TAF3: variants seen among roughly 807,000 people sequenced by gnomAD.
TAF3 encodes TATA-box binding protein associated factor 3, also known as transcription initiation factor TFIID subunit 3.
TAF3 carries 7 observed loss-of-function variants against 80.6 expected under a neutral mutation model. The ratio of observed to expected loss-of-function variants is 0.09; its 90% CI spans 0.05 to 0.16. The LOEUF is 0.16. TAF3 is among the 10% of genes least tolerant of loss of function. TAF3 has a pLI of 1.00. For missense variants in TAF3, 921 were observed against 1,140.2 expected (o/e 0.81, Z 2.77); for synonymous variants, 444 against 446.1 (o/e 1.00, Z 0.06).
chr10:7,997,552 G>T (rs951489579), intron 4 of TAF3, among the ~76,000 whole-genome samples: 4 of 152,310 alleles, frequency 2.6e-5, no homozygotes, highest in South Asian at 4.1e-4. Flanking sequence ...CTGGTTTGTG[G>T]TGGGGAAACA....
chr10:7,964,303 A>G lies in TAF3; in HGVS notation c.793A>G (p.Thr265Ala), dbSNP rs41290305. The G allele has an allele frequency of 5.3e-3, 8,614 of 1,614,206 alleles. 26 individuals carry two copies. The highest frequency in any genetic ancestry group is 6.4e-3 in the Non-Finnish European group (7,537 of 1,180,034). ...AATGCCAACTGCAAAACCATTAGAA[A>G]CAAAGTCATTTACACCTAAAACAAA... ...SQMPTAKPLE[T>A]KSFTPKTKTK... is the part of the protein sequence containing the mutation. The change falls in exon 3 of 7, where the codon ACA becomes GCA. Residue 265 changes from threonine (T) to alanine (A), a missense_variant. Thr to Ala is a moderately conservative substitution (Grantham distance 58). Around this residue, in one of 6 missense-constraint regions of TAF3, gnomAD observed 743 missense variants for 821.0 expected, o/e 0.90. Transcript: ENST00000344293. This position sits in a 1 kb window ranked among gnomAD's most constrained non-coding sequence, Gnocchi z 4.1.
chr10:8,009,208 C>A lies in TAF3; in HGVS notation c.2446C>A (p.Pro816Thr). The change falls in exon 5 of 7, where the codon CCG (proline) becomes ACG (threonine). Residue 816 changes from proline to threonine, a missense_variant. This residue lies in a region of TAF3 where 743 missense variants were observed against 821.0 expected (regional missense o/e 0.90). Transcript: ENST00000344293. This position sits in a 1 kb window ranked among gnomAD's most constrained non-coding sequence, Gnocchi z 4.1. Reference protein sequence around the residue: ...MLVSPAPVPLPLLAQAAAGPA... With the variant: ...MLVSPAPVPLTLLAQAAAGPA... ...CGTCAGCCCTGCGCCCGTGCCGCTG[C>A]CGCTGCTCGCCCAGGCCGCCGCGGG... 1 of 1,447,840 alleles carries A rather than the reference C, an allele frequency of 6.9e-7. No individual in the cohort carries two copies. The allele number at this position is 1,447,840 out of a possible 1,614,324, so 89.7% of individuals were successfully genotyped here. A position where few individuals can be genotyped will look rare whatever the true frequency, so the allele number is the denominator to read the frequency against.
intron 2 of TAF3, among the ~76,000 whole-genome samples, chr10:7,858,208 T>C (rs1489865205): frequency 6.6e-6 from 1 of 152,208 alleles, no homozygotes; most frequent in Non-Finnish European, 1.5e-5. Context: ...CACTGTCTTT[T>C]CCCAGAGAAT....
intron 2 of TAF3, among the ~76,000 whole-genome samples, chr10:7,949,233 T>G (rs1202372282): frequency 6.6e-6 from 1 of 152,256 alleles, no homozygotes; most frequent in Non-Finnish European, 1.5e-5. Flanking sequence ...CCACTTGCCC[T>G]TTGCTGTTTC....
intron 2 of TAF3, among the ~76,000 whole-genome samples, chr10:7,845,471 T>G (rs1836960967): frequency 1.3e-5 from 2 of 152,206 alleles, no homozygotes; most frequent in African/African-American, 4.8e-5. Flanking sequence ...GAACCCAAAG[T>G]GCATAAAATG....
intron 2 of TAF3, among the ~76,000 whole-genome samples, chr10:7,864,441 A>G (rs918905434): frequency 6.6e-6 from 1 of 152,180 alleles, no homozygotes; most frequent in Non-Finnish European, 1.5e-5. Context: ...TGGTAAGGGC[A>G]CTTAACATCC....
rs1837194745 is a variant in TAF3, at chr10:7,864,889, CA to C, written c.409+40330del. On this transcript the variant is annotated intron_variant, in intron 2 of 6. Transcript: ENST00000344293. ...AAGAAATCTTTGCCTAGCCTAAGAT[CA>C]CAAAGGTTTTTGTCCTGTGTTATCT... Among the ~76,000 whole-genome samples, 5 of 151,746 alleles carry C rather than the reference CA, an allele frequency of 3.3e-5. No individual in the cohort carries two copies. In the Middle Eastern group the frequency reaches 0.014, roughly 413 times the overall value.
chr10:7,977,460 G>A (rs905645262), intron 4 of TAF3, 137 bp downstream of exon 4: 12 of 670,474 alleles, frequency 1.8e-5, no homozygotes, highest in African/African-American at 9.0e-5. Flanking sequence ...AGAACTCTTC[G>A]TTTTCAAGTT....
intron 2 of TAF3, among the ~76,000 whole-genome samples, chr10:7,853,512 A>G (rs543111898): frequency 6.6e-6 from 1 of 152,238 alleles, no homozygotes; most frequent in Admixed American, 6.5e-5. Flanking sequence ...CATTGTAAGT[A>G]GTACCAAAAA....
At position 7,964,475 on chromosome 10, in the gene TAF3, A is replaced by G. The variant is rs1315842403; in HGVS notation, c.965A>G (p.Lys322Arg). 4 of 1,613,634 alleles carry G rather than the reference A, an allele frequency of 2.5e-6. No individual in the cohort carries two copies. Among genetic ancestry groups the G allele is most frequent in the Admixed American group, 1.7e-5 (1 of 59,890 alleles). The change falls in exon 3 of 7, where the codon AAG (lysine) becomes AGG (arginine). Residue 322 changes from lysine to arginine, a missense_variant. Transcript: ENST00000344293. This position sits in a 1 kb window ranked among gnomAD's most constrained non-coding sequence, Gnocchi z 4.1. The part of the protein sequence containing the change: ...PGRSKSPKSP[K>R]SPKVTTHIPQ... ...CGTTCCAAGAGCCCCAAGAGTCCCA[A>G]GAGCCCCAAGGTCACGACTCACATT...
In TAF3 at chr10:7,965,564, T is replaced by C; in HGVS notation, c.2054T>C (p.Leu685Pro). Residue 685 changes from leucine (L) to proline (P), a missense_variant, in exon 3 of 7, where the codon CTT becomes CCT. Leu to Pro is a moderately conservative substitution (Grantham distance 98). Coordinates refer to ENST00000344293, the MANE Select transcript of TAF3 (RefSeq NM_031923.4). ...PAMLPSLLPV[L>P]PEKLFEEKEK... ...ATGCTGCCATCTTTGTTGCCAGTGC[T>C]TCCGGAAAAACTGTTTGAGGAGAAA... The C allele has an allele frequency of 6.3e-7, 1 of 1,598,450 alleles. No homozygotes were observed. The highest frequency in any genetic ancestry group is 8.5e-7 in the Non-Finnish European group (1 of 1,176,326).
At chr10:7,993,993 T>A (rs1831859669) in intron 4 of TAF3, among the ~76,000 whole-genome samples, 1 of 150,860 alleles carries the variant, frequency 6.6e-6, no homozygotes, top group South Asian at 2.1e-4. Flanking sequence ...GGAAGGGTTC[T>A]GTCTCTCTCT....
intron 2 of TAF3, among the ~76,000 whole-genome samples, chr10:7,929,331 A>G (rs998803046): frequency 1.3e-5 from 2 of 152,066 alleles, no homozygotes; most frequent in East Asian, 3.8e-4. Context: ...TTTACAGTTA[A>G]GGAATGATTG....
At chr10:7,912,806 G>A (rs1009856778) in intron 2 of TAF3, among the ~76,000 whole-genome samples, 1 of 152,094 alleles carries the variant, frequency 6.6e-6, no homozygotes, top group East Asian at 1.9e-4. Flanking sequence ...CTGTAGAAAC[G>A]CTGTTTGGCG....
At chr10:7,942,434 A>G (rs959853320) in intron 2 of TAF3, among the ~76,000 whole-genome samples, 1 of 152,192 alleles carries the variant, frequency 6.6e-6, no homozygotes, top group Non-Finnish European at 1.5e-5. Flanking sequence ...CAGCCAGAAC[A>G]TTTCAAAATG....
chr10:7,869,060 A>G (rs559000852), intron 2 of TAF3, among the ~76,000 whole-genome samples: 2 of 152,174 alleles, frequency 1.3e-5, no homozygotes, highest in Non-Finnish European at 2.9e-5. Context: ...TCGTAGAACA[A>G]TTCCCTATTT....
At chr10:7,860,441 A>G (rs575699554) in intron 2 of TAF3, among the ~76,000 whole-genome samples, 3 of 152,278 alleles carry the variant, frequency 2.0e-5, no homozygotes, top group Admixed American at 2.0e-4. Flanking sequence ...TTCCTCCAAA[A>G]GTAACCCCTA....
At chr10:8,005,473 T>C (rs1323583061) in intron 4 of TAF3, among the ~76,000 whole-genome samples, 1 of 152,278 alleles carries the variant, frequency 6.6e-6, no homozygotes, top group African/African-American at 2.4e-5. Context: ...CGTGCATCTT[T>C]ACCTTATGGG....
intron 4 of TAF3, among the ~76,000 whole-genome samples, chr10:7,987,002 C>T (rs914975403): frequency 5.3e-5 from 8 of 152,014 alleles, no homozygotes; most frequent in Admixed American, 4.6e-4. Context: ...CTGACTGTGC[C>T]GTGTGTATTT....
Sources: allele counts gnomAD v4.1 joint callset (sites outside exome capture counted in the v4.1 genomes callset), GRCh38; gene constraint gnomAD v4.1.1; regional missense constraint gnomAD v4.1.1; non-coding constraint Gnocchi (gnomAD v3.1); transcripts MANE v1.5; gene names NCBI Gene and HGNC (gene_info 2026-07-23, HGNC 2026-07-21).